The following CFAP92 variants were observed in gnomAD, a reference collection of about 807,000 sequenced individuals.
The protein encoded by CFAP92 is uncharacterized protein CFAP92.
Under a neutral mutation model 106.3 loss-of-function variants are expected in CFAP92, and 86 were observed. That is an observed-to-expected ratio of 0.81 (90% CI 0.68 to 0.97). The LOEUF (loss-of-function observed/expected upper bound fraction) is 0.97. Among genes scored for constraint, CFAP92 ranks in the 50% least tolerant of loss-of-function variants. CFAP92 has a pLI of 0.00. For missense variants in CFAP92, 1,204 were observed against 1,283.8 expected, an observed-to-expected ratio of 0.94 and a Z score of 0.95; for synonymous variants, 477 against 506.4, an observed-to-expected ratio of 0.94 and a Z score of 0.78.
upstream of CFAP92, among the ~76,000 whole-genome samples, chr3:128,997,539 C>A (rs1944526461): frequency 6.6e-6 from 1 of 152,208 alleles, no homozygotes; most frequent in African/African-American, 2.4e-5. Context: ...CTAGACATTT[C>A]CTATAAATTG....
intron 8 of CFAP92, chr3:128,971,043 A>G: frequency 1.9e-6 from 1 of 539,076 alleles, no homozygotes; most frequent in Non-Finnish European, 3.2e-6. Context: ...TTGGAATCAA[A>G]CAGAGCTGGG....
the CFAP92 span, among the ~76,000 whole-genome samples, chr3:129,008,582 C>T: frequency 3.9e-5 from 6 of 152,192 alleles, no homozygotes; most frequent in Admixed American, 1.3e-4. Flanking sequence ...TTTCTAAGCA[C>T]GTTCTGTGGA....
intron 15 of CFAP92, chr3:128,912,650 G>GTTAAGAAA: frequency 4.6e-6 from 7 of 1,509,924 alleles, no homozygotes; most frequent in Non-Finnish European, 6.5e-6. Context: ...CCCTACCCAT[G>GTTAAGAAA]GCCCGTTGCT....
intron 12 of CFAP92, among the ~76,000 whole-genome samples, chr3:128,924,028 C>G (rs1272572566): frequency 6.6e-6 from 1 of 152,154 alleles, no homozygotes; most frequent in African/African-American, 2.4e-5. Flanking sequence ...TCCTTTTAGT[C>G]TGCAGATGCG....
chr3:128,990,478 CAGAG>C, intron 2 of CFAP92, among the ~76,000 whole-genome samples: 1 of 152,258 alleles, frequency 6.6e-6, no homozygotes, highest in African/African-American at 2.4e-5. Context: ...GCCTGGGTGA[CAGAG>C]AGAGACTCTG....
the CFAP92 span, among the ~76,000 whole-genome samples, chr3:129,025,570 G>A: frequency 2.0e-5 from 3 of 152,184 alleles, no homozygotes; most frequent in African/African-American, 7.2e-5. Flanking sequence ...GGCAGAGTAA[G>A]GGTGGTAGCT....
intron 9 of CFAP92, among the ~76,000 whole-genome samples, chr3:128,959,936 A>G (rs1402492062): frequency 6.6e-6 from 1 of 152,226 alleles, no homozygotes; most frequent in Non-Finnish European, 1.5e-5. Flanking sequence ...TTAACTGATG[A>G]CATTCCACCA....
intron 9 of CFAP92, among the ~76,000 whole-genome samples, chr3:128,948,805 C>T (rs538857608): frequency 3.3e-5 from 5 of 152,172 alleles, no homozygotes; most frequent in Non-Finnish European, 5.9e-5. Flanking sequence ...GTTGGGATTA[C>T]AGGCGTGAGC....
chr3:128,972,771 C>T (rs1417184689), intron 7 of CFAP92, among the ~76,000 whole-genome samples: 2 of 151,440 alleles, frequency 1.3e-5, no homozygotes, highest in East Asian at 3.9e-4. Flanking sequence ...AGGAGAATCA[C>T]TTGAACCTGG....
At chr3:129,001,862 C>G in intron 1 of CFAP92, 1 of 1,546,136 alleles carries the variant, frequency 6.5e-7, no homozygotes, top group Non-Finnish European at 8.7e-7. Context: ...CCCGCGCCGA[C>G]TTCCGAGCGC....
chr3:128,912,602 T>C (rs1936462187), intron 15 of CFAP92: 2 of 1,614,042 alleles, frequency 1.2e-6, no homozygotes, highest in South Asian at 2.2e-5. Context: ...GGACAGGACA[T>C]GCTGAGGCAG....
the CFAP92 span, among the ~76,000 whole-genome samples, chr3:129,009,705 C>T: frequency 6.6e-6 from 1 of 152,214 alleles, no homozygotes. Flanking sequence ...CTCTGGAGCT[C>T]GCAGCCCAGT....
At chr3:129,024,349 T>G in the CFAP92 span, among the ~76,000 whole-genome samples, 1 of 151,938 alleles carries the variant, frequency 6.6e-6, no homozygotes, top group African/African-American at 2.4e-5. Flanking sequence ...CTGGCCAACA[T>G]GGTAAAACCC....
At chr3:128,950,646 G>A (rs1195191882) in intron 9 of CFAP92, among the ~76,000 whole-genome samples, 3 of 152,210 alleles carry the variant, frequency 2.0e-5, no homozygotes, top group Non-Finnish European at 2.9e-5. Context: ...AAAGGGGGCA[G>A]GCACAAGCTG....
chr3:128,929,862 T>C (rs1446250544), intron 12 of CFAP92, among the ~76,000 whole-genome samples: 6 of 152,180 alleles, frequency 3.9e-5, no homozygotes, highest in African/African-American at 1.4e-4. Context: ...GTTATAACTA[T>C]AAATTTACTA....
chr3:128,966,438 C>G (rs1033600252), intron 8 of CFAP92, among the ~76,000 whole-genome samples: 1 of 152,238 alleles, frequency 6.6e-6, no homozygotes, highest in Non-Finnish European at 1.5e-5. Context: ...ACTGGCACAT[C>G]TGAGCCAAAT....
the CFAP92 span, among the ~76,000 whole-genome samples, chr3:129,015,191 C>A: frequency 6.6e-6 from 1 of 152,218 alleles, no homozygotes; most frequent in Non-Finnish European, 1.5e-5. Context: ...TGCAGCCACA[C>A]TGACCCTCCA....
chr3:128,911,571 G>C (rs980071918), intron 15 of CFAP92, among the ~76,000 whole-genome samples: 4 of 152,006 alleles, frequency 2.6e-5, no homozygotes, highest in African/African-American at 4.8e-5. Context: ...CTGAGTAGTT[G>C]GGATTATAGG....
At chr3:128,978,245 AACT>A (rs1943289693) in intron 4 of CFAP92, 60 bp from the exon 5 acceptor site, 1 of 1,575,610 alleles carries the variant, frequency 6.3e-7, no homozygotes, top group South Asian at 1.2e-5. Context: ...TTATTGAATT[AACT>A]ACTATGGGCA....
Sources: gnomAD v4.1 joint callset for allele counts (sites outside exome capture counted in the v4.1 genomes callset) on GRCh38, gnomAD v4.1.1 for gene constraint, MANE v1.5 for transcripts, NCBI Gene and HGNC (gene_info 2026-07-23, HGNC 2026-07-21) for gene names.